The following MAP2K1 variants were observed in gnomAD, a reference collection of about 807,000 sequenced individuals.
The protein encoded by MAP2K1 is mitogen-activated protein kinase kinase 1.
In MAP2K1, 16 loss-of-function variants were observed where a neutral mutation model predicts 46.3. The observed-to-expected ratio is 0.35, with a 90% CI of 0.23 to 0.52. MAP2K1 has a LOEUF of 0.52. Ranked by LOEUF, MAP2K1 falls within the 20% of genes least tolerant of loss-of-function variation. The pLI is 0.94. For missense variants in MAP2K1, 263 were observed against 497.1 expected (o/e 0.53, Z 4.48); for synonymous variants, 183 against 185.6 (o/e 0.99, Z 0.11).
chr15:66,391,221 A>G (rs142368991), intron 1 of MAP2K1, among the ~76,000 whole-genome samples: 3 of 152,216 alleles, frequency 2.0e-5, no homozygotes, highest in Admixed American at 6.5e-5. Flanking sequence ...AGACTTAATC[A>G]TTGTAATTTT....
At chr15:66,402,010 C>T (rs1489324948) in intron 1 of MAP2K1, 4 of 1,333,376 alleles carry the variant, frequency 3.0e-6, no homozygotes, top group Non-Finnish European at 3.0e-6. Context: ...GCAAATTTTT[C>T]TTCCTTTCTG....
intron 5 of MAP2K1, chr15:66,446,910 A>G (rs551793512): frequency 8.8e-4 from 144 of 163,828 alleles, no homozygotes; most frequent in Admixed American, 1.4e-3. Context: ...TCAGCTGTCC[A>G]CTAATGTGAC....
chr15:66,456,254 C>T (rs1227654329), intron 5 of MAP2K1, among the ~76,000 whole-genome samples: 2 of 152,152 alleles, frequency 1.3e-5, no homozygotes, highest in African/African-American at 4.8e-5. Flanking sequence ...GTAAATGACT[C>T]TTGTATATTG....
At position 66,485,130 on chromosome 15, in the gene MAP2K1, G is replaced by A. The variant is rs148151221; in HGVS notation, c.834G>A (p.Gln278=). The A allele has an allele frequency of 3.0e-5, 48 of 1,613,958 alleles. No individual in the cohort carries two copies. Among genetic ancestry groups the A allele is most frequent in the Non-Finnish European group, 3.9e-5 (46 of 1,180,046 alleles). Residue 278 remains glutamine (Q), a synonymous_variant, in exon 7 of 11, where the codon CAG becomes CAA. Transcript: ENST00000307102. ...AKELELMFGC[Q]VEGDAAETPP... ...AGCTGGAGCTGATGTTTGGGTGCCAGGTGGAAGGAGATGCGGCTGAGACCC... is the reference window on the plus strand; with the variant it reads ...AGCTGGAGCTGATGTTTGGGTGCCAAGTGGAAGGAGATGCGGCTGAGACCC...
At chr15:66,490,429 G>C (rs768715790) in intron 10 of MAP2K1, 73 bp from the exon 11 acceptor site, 1 of 1,124,248 alleles carries the variant, frequency 8.9e-7, no homozygotes, top group Non-Finnish European at 1.4e-6. Context: ...GAAACTCTTG[G>C]ATTTTCCTTC....
intron 6 of MAP2K1, among the ~76,000 whole-genome samples, chr15:66,482,892 C>T (rs977984781): frequency 2.0e-5 from 3 of 151,948 alleles, no homozygotes; most frequent in Non-Finnish European, 2.9e-5. Flanking sequence ...TGCAGGCCCG[C>T]GTGGAGAGGG....
chr15:66,459,121 T>C lies in MAP2K1; in HGVS notation c.568+14414T>C, dbSNP rs565797242. ...TGAGGTCAGGAGATCAAGACCATGC[T>C]GGCCAACACGGTGAAACCCCGTCTC... On this transcript the variant is annotated intron_variant, in intron 5 of 10. Coordinates refer to ENST00000307102, the MANE Select transcript of MAP2K1 (RefSeq NM_002755.4). Among the ~76,000 whole-genome samples the C allele has an allele frequency of 2.7e-5, 4 of 150,824 alleles. No individual in the cohort carries two copies. The South Asian group carries it at 8.4e-4, about 32-fold the overall frequency.
chr15:66,387,686 C>T (rs2093345374), intron 1 of MAP2K1, among the ~76,000 whole-genome samples: 2 of 152,202 alleles, frequency 1.3e-5, no homozygotes, highest in African/African-American at 2.4e-5. Flanking sequence ...GGCCACTGTA[C>T]AGTCTTCTCC....
intron 5 of MAP2K1, among the ~76,000 whole-genome samples, chr15:66,463,113 T>TA (rs1428440984): frequency 6.6e-6 from 1 of 152,110 alleles, no homozygotes; most frequent in Non-Finnish European, 1.5e-5. Context: ...CACCAACACT[T>TA]ATATAGTGTA....
rs2140578806 is a variant in MAP2K1, at chr15:66,435,091, C to T, written c.145C>T (p.Arg49Cys). The T allele has an allele frequency of 6.2e-7, 1 of 1,614,086 alleles. No homozygotes were observed. The highest frequency in any genetic ancestry group is 8.5e-7 in the Non-Finnish European group (1 of 1,179,970). Residue 49 changes from arginine to cysteine, a missense_variant, in exon 2 of 11, where the codon CGC becomes TGC. Physicochemically the swap from Arg to Cys is radical, Grantham distance 180 (BLOSUM62 -3). This residue lies in a region of MAP2K1 where 103 missense variants were observed against 221.6 expected (regional missense o/e 0.46). Transcript: ENST00000307102. Reference sequence around the variant, plus strand: ...AGAGCTTGATGAGCAGCAGCGAAAGCGCCTTGAGGCCTTTCTTACCCAGAA... The same window carrying T: ...AGAGCTTGATGAGCAGCAGCGAAAGTGCCTTGAGGCCTTTCTTACCCAGAA... Reference protein sequence around the residue: ...ELELDEQQRKRLEAFLTQKQK... With the variant: ...ELELDEQQRKCLEAFLTQKQK...
intron 1 of MAP2K1, among the ~76,000 whole-genome samples, chr15:66,392,759 G>C (rs545370975): frequency 6.6e-6 from 1 of 151,222 alleles, no homozygotes; most frequent in Non-Finnish European, 1.5e-5. Flanking sequence ...CACCATGTTG[G>C]TCAGGCTGGT....
At chr15:66,454,572 G>A (rs972397915) in intron 5 of MAP2K1, among the ~76,000 whole-genome samples, 1 of 152,172 alleles carries the variant, frequency 6.6e-6, no homozygotes, top group African/African-American at 2.4e-5. Context: ...CTTGGTTTAA[G>A]CTTCTAAAAA....
intron 5 of MAP2K1, among the ~76,000 whole-genome samples, chr15:66,452,723 A>G (rs997021333): frequency 1.3e-5 from 2 of 152,218 alleles, no homozygotes; most frequent in Non-Finnish European, 2.9e-5. Context: ...AAGAAATTAC[A>G]TATGGAAAGC....
At chr15:66,398,539 C>T (rs559765581) in intron 1 of MAP2K1, among the ~76,000 whole-genome samples, 2 of 151,986 alleles carry the variant, frequency 1.3e-5, no homozygotes, top group South Asian at 2.1e-4. Context: ...GTAATCTCAG[C>T]CCTTTGGGAG....
At chr15:66,487,163 C>G in intron 7 of MAP2K1, 65 bp from the exon 8 acceptor site, 1 of 1,386,500 alleles carries the variant, frequency 7.2e-7, no homozygotes. Context: ...ATGCCCAACC[C>G]CTTGCCTCAT....
At chr15:66,447,444 A>G (rs183765044) in intron 5 of MAP2K1, among the ~76,000 whole-genome samples, 21 of 152,252 alleles carry the variant, frequency 1.4e-4, no homozygotes, top group Admixed American at 9.8e-4. Flanking sequence ...TAATCCCAGC[A>G]CTTTGGGAGG....
rs200293968 is a variant in MAP2K1 at position 66,490,531 on chromosome 15, T to C, written c.1098T>C (p.Ala366=). Residue 366 remains alanine (A), a synonymous_variant, in exon 11 of 11, where the codon GCT becomes GCC. Coordinates refer to ENST00000307102, the MANE Select transcript of MAP2K1 (RefSeq NM_002755.4). The part of the protein sequence containing the change: ...MVHAFIKRSD[A]EEVDFAGWLC... ...ATGCTTTTATCAAGAGATCTGATGC[T>C]GAGGAAGTGGATTTTGCAGGTTGGC... 23 of 1,614,112 alleles carry C rather than the reference T, an allele frequency of 1.4e-5. No individual in the cohort carries two copies. In the East Asian group the frequency reaches 4.2e-4, roughly 30 times the overall value.
intron 9 of MAP2K1, 103 bp downstream of exon 9, chr15:66,489,379 C>T (rs1893162132): frequency 1.8e-6 from 2 of 1,112,906 alleles, no homozygotes; most frequent in South Asian, 1.2e-5. Flanking sequence ...CAGAGTTTTG[C>T]CCTTTACCCT....
chr15:66,448,725 T>A (rs533391921), intron 5 of MAP2K1, among the ~76,000 whole-genome samples: 1 of 152,222 alleles, frequency 6.6e-6, no homozygotes, highest in African/African-American at 2.4e-5. Context: ...GACTATTGGC[T>A]GGGCACAGTG....
Sources: gnomAD v4.1 joint callset for allele counts (sites outside exome capture counted in the v4.1 genomes callset) on GRCh38, gnomAD v4.1.1 for gene constraint, gnomAD v4.1.1 regional missense constraint, MANE v1.5 for transcripts, NCBI Gene and HGNC (gene_info 2026-07-23, HGNC 2026-07-21) for gene names.